SCTR: variants seen among roughly 807,000 people sequenced by gnomAD.
SCTR encodes the protein pancreatic secretin receptor.
A neutral mutation model predicts 60.8 loss-of-function variants in SCTR; 56 were observed. The ratio of observed to expected loss-of-function variants is 0.92; its 90% CI spans 0.74 to 1.15. The LOEUF (loss-of-function observed/expected upper bound fraction) is 1.15, where lower values mean the gene tolerates loss of function less well. SCTR is among the 50% of genes most tolerant of loss of function. The probability of loss-of-function intolerance (pLI) is 0.00; values close to 1 mark genes in which losing one functional copy is unlikely to be tolerated. For synonymous variants in SCTR, 202 were observed against 217.0 expected (o/e 0.93, Z 0.61); for missense variants, 562 against 550.4 (o/e 1.02, Z -0.21).
At position 119,461,791 on chromosome 2, in the gene SCTR, G is replaced by T; in HGVS notation, c.790+56C>A. ...CTAAAAGCCGAACCCTCCGACTCTC[G>T]ACTCAGCACCCCTTCCCACATACCA... On this transcript the variant is annotated intron_variant, in intron 7 of 12. Transcript: ENST00000019103. The T allele has an allele frequency of 2.1e-6, 3 of 1,451,724 alleles. No individual in the cohort carries two copies. The South Asian group carries it at 4.2e-5, about 20-fold the overall frequency. 89.9% of individuals were successfully genotyped at this position (1,451,724 alleles called of 1,614,324 possible).
At chr2:119,521,340 A>G (rs1236440464) in intron 1 of SCTR, among the ~76,000 whole-genome samples, 1 of 152,212 alleles carries the variant, frequency 6.6e-6, no homozygotes, top group Non-Finnish European at 1.5e-5. Flanking sequence ...TCAGTCATCC[A>G]TGCATTCATT....
At chr2:119,523,792 C>T (rs1006964859) in intron 1 of SCTR, among the ~76,000 whole-genome samples, 2 of 152,036 alleles carry the variant, frequency 1.3e-5, no homozygotes, top group Non-Finnish European at 2.9e-5. Context: ...AGGTGATTAC[C>T]AGGTTTCAAG....
intron 1 of SCTR, among the ~76,000 whole-genome samples, chr2:119,518,396 T>A (rs1379649400): frequency 6.6e-6 from 1 of 152,026 alleles, no homozygotes; most frequent in Non-Finnish European, 1.5e-5. Context: ...CACGTGGCCA[T>A]CAGGAGCACG....
At chr2:119,482,498 C>T (rs989493543) in intron 2 of SCTR, among the ~76,000 whole-genome samples, 2 of 152,158 alleles carry the variant, frequency 1.3e-5, no homozygotes, top group African/African-American at 4.8e-5. Context: ...ACAGTGGAAG[C>T]ATCTATGAGG....
chr2:119,522,532 C>T (rs2104966153), intron 1 of SCTR, among the ~76,000 whole-genome samples: 1 of 152,194 alleles, frequency 6.6e-6, no homozygotes, highest in African/African-American at 2.4e-5. Context: ...GGGACCATAG[C>T]ATAATGAAGC....
intron 11 of SCTR, among the ~76,000 whole-genome samples, chr2:119,443,819 T>C (rs1252977036): frequency 6.6e-6 from 1 of 152,240 alleles, no homozygotes; most frequent in Non-Finnish European, 1.5e-5. Flanking sequence ...AGTGCTAGGA[T>C]TACAGGCGTG....
At chr2:119,524,039 A>G (rs977047852) in intron 1 of SCTR, 116 bp downstream of exon 1, 34 of 761,458 alleles carry the variant, frequency 4.5e-5, no homozygotes, top group Non-Finnish European at 6.5e-5. Context: ...AAGAGTCCCT[A>G]TTCCTCATGG....
chr2:119,445,437 G>T (rs1682890244), intron 11 of SCTR, among the ~76,000 whole-genome samples: 1 of 152,166 alleles, frequency 6.6e-6, no homozygotes, highest in Admixed American at 6.5e-5. Context: ...CTTAGGGGAG[G>T]GTGTGGTCTG....
intron 7 of SCTR, among the ~76,000 whole-genome samples, chr2:119,455,980 A>T (rs1371505262): frequency 6.6e-6 from 1 of 152,124 alleles, no homozygotes; most frequent in Non-Finnish European, 1.5e-5. Context: ...AAAGTTCAGG[A>T]AGCAAAATGG....
chr2:119,491,201 G>C (rs1223378604), intron 2 of SCTR, among the ~76,000 whole-genome samples: 1 of 152,188 alleles, frequency 6.6e-6, no homozygotes, highest in Non-Finnish European at 1.5e-5. Flanking sequence ...TGTGGCAGAG[G>C]TGATCTTTTC....
chr2:119,472,821 T>G (rs1677082012), intron 4 of SCTR, among the ~76,000 whole-genome samples: 1 of 152,060 alleles, frequency 6.6e-6, no homozygotes, highest in Non-Finnish European at 1.5e-5. Flanking sequence ...TTTAAACATT[T>G]TTTGTAGATC....
rs1238999160 is a variant in SCTR at position 119,444,324 on chromosome 2, C to T, written c.1140+2435G>A. ...ACGTATGAATATATACACATATATA[C>T]GTATGAATATATATACACATATATA... is the stretch of plus-strand genomic sequence containing the variant. On this transcript the variant is annotated intron_variant, in intron 11 of 12. Transcript: ENST00000019103. Among the ~76,000 whole-genome samples the T allele has an allele frequency of 4.2e-5, 6 of 144,014 alleles. 1 individual carries two copies. The highest frequency in any genetic ancestry group is 1.0e-4 in the African/African-American group (4 of 38,414). 94.5% of individuals were successfully genotyped at this position (144,014 alleles called of 152,430 possible). A position where few individuals can be genotyped will look rare whatever the true frequency, so the allele number is the denominator to read the frequency against.
chr2:119,441,651 C>G (rs745659964), intron 11 of SCTR, 52 bp from the exon 12 acceptor site: 1 of 1,541,282 alleles, frequency 6.5e-7, no homozygotes, highest in Non-Finnish European at 8.9e-7. Flanking sequence ...AGCATGCGGC[C>G]TGAACCAGCT....
intron 7 of SCTR, among the ~76,000 whole-genome samples, chr2:119,461,250 C>T (rs1004791142): frequency 1.3e-5 from 2 of 152,264 alleles, no homozygotes; most frequent in East Asian, 1.9e-4. Context: ...AGAAAGAGGA[C>T]GTAGGAATGC....
At chr2:119,478,075 A>C (rs1677414742) in intron 3 of SCTR, among the ~76,000 whole-genome samples, 1 of 152,162 alleles carries the variant, frequency 6.6e-6, no homozygotes, top group Non-Finnish European at 1.5e-5. Flanking sequence ...TTTTAGTGTT[A>C]AATCACCTAT....
chr2:119,453,224 A>T, intron 8 of SCTR, 63 bp downstream of exon 8: 1 of 1,268,378 alleles, frequency 7.9e-7, no homozygotes, highest in Non-Finnish European at 1.2e-6. Flanking sequence ...AGAAGTAACT[A>T]TGCTGTTTGA....
chr2:119,470,327 T>G (rs1258160290), intron 4 of SCTR, among the ~76,000 whole-genome samples: 1 of 152,178 alleles, frequency 6.6e-6, no homozygotes, highest in Non-Finnish European at 1.5e-5. Flanking sequence ...TCACCCTCAG[T>G]TGATAAAAAG....
intron 1 of SCTR, 30 bp from the exon 2 acceptor site, chr2:119,494,578 A>G: frequency 6.2e-7 from 1 of 1,612,048 alleles, no homozygotes; most frequent in Non-Finnish European, 8.5e-7. Context: ...GATGCTCATC[A>G]TTGCCACTAA....
At chr2:119,473,659 G>T in intron 3 of SCTR, 103 bp from the exon 4 acceptor site, 1 of 756,642 alleles carries the variant, frequency 1.3e-6, no homozygotes, top group Non-Finnish European at 2.3e-6. Flanking sequence ...ACTCTATAGT[G>T]TGGAAACTGA....
Sources: gnomAD v4.1 joint callset for allele counts (sites outside exome capture counted in the v4.1 genomes callset) on GRCh38, gnomAD v4.1.1 for gene constraint, MANE v1.5 for transcripts, NCBI Gene and HGNC (gene_info 2026-07-23, HGNC 2026-07-21) for gene names.